The following PABPC4L variants were observed in gnomAD, a reference collection of about 807,000 sequenced individuals.
The protein encoded by PABPC4L is poly(A) binding protein cytoplasmic 4 like, also known as polyadenylate-binding protein 4-like.
For synonymous variants in PABPC4L, 169 were observed against 164.1 expected (o/e 1.03, Z -0.23); for missense variants, 452 against 451.4 (o/e 1.00, Z -0.01).
chr4:134,153,631 A>G, the PABPC4L span, among the ~76,000 whole-genome samples: 4 of 149,458 alleles, frequency 2.7e-5, no homozygotes, highest in African/African-American at 7.5e-5. Flanking sequence ...ATACAAGCAT[A>G]TTTATTCTTT....
chr4:134,112,849 T>C, the PABPC4L span, among the ~76,000 whole-genome samples: 68,588 of 151,420 alleles, frequency 0.45, 18,012 homozygotes, highest in East Asian at 0.98. Flanking sequence ...CTTTAGGAGA[T>C]GTTCCAGAAG....
chr4:134,043,168 C>G, the PABPC4L span, among the ~76,000 whole-genome samples: 1 of 128,216 alleles, frequency 7.8e-6, no homozygotes, highest in East Asian at 3.6e-4. Flanking sequence ...TACACCCACA[C>G]ACCATATACA....
At chr4:134,113,889 A>G in the PABPC4L span, among the ~76,000 whole-genome samples, 47,311 of 151,432 alleles carry the variant, frequency 0.31, 9,077 homozygotes, top group East Asian at 0.94. Context: ...TAGAGAGAAG[A>G]GGGTGGCATA....
At chr4:134,038,785 T>C in the PABPC4L span, among the ~76,000 whole-genome samples, 19 of 152,210 alleles carry the variant, frequency 1.2e-4, no homozygotes, top group South Asian at 1.4e-3. Flanking sequence ...CCTGGATTCA[T>C]TGATTTTTGT....
chr4:133,956,014 TTATC>T, the PABPC4L span, among the ~76,000 whole-genome samples: 1 of 152,136 alleles, frequency 6.6e-6, no homozygotes, highest in African/African-American at 2.4e-5. Flanking sequence ...ATTTGCATCT[TTATC>T]TACTCATCTT....
chr4:134,042,883 C>T, the PABPC4L span, among the ~76,000 whole-genome samples: 16 of 151,918 alleles, frequency 1.1e-4, no homozygotes, highest in Admixed American at 9.8e-4. Context: ...TTTTTAAGGA[C>T]TCTAGATAGG....
the PABPC4L span, among the ~76,000 whole-genome samples, chr4:134,042,283 A>G: frequency 6.6e-6 from 1 of 152,034 alleles, no homozygotes; most frequent in Non-Finnish European, 1.5e-5. Context: ...TGGACATTGG[A>G]GACTAGAAGG....
chr4:134,033,572 C>T, the PABPC4L span, among the ~76,000 whole-genome samples: 1 of 152,034 alleles, frequency 6.6e-6, no homozygotes, highest in South Asian at 2.1e-4. Flanking sequence ...ATTTAAAGTG[C>T]TACTTTAGTG....
At chr4:134,110,892 C>T in the PABPC4L span, among the ~76,000 whole-genome samples, 2 of 151,666 alleles carry the variant, frequency 1.3e-5, no homozygotes, top group African/African-American at 4.8e-5. Flanking sequence ...TTGGTTGAAC[C>T]CACAAATGAG....
At chr4:133,954,709 A>T in the PABPC4L span, among the ~76,000 whole-genome samples, 3 of 152,168 alleles carry the variant, frequency 2.0e-5, no homozygotes, top group Non-Finnish European at 2.9e-5. Flanking sequence ...ATATAAAATT[A>T]AAAATATGCA....
chr4:134,139,253 A>T, the PABPC4L span, among the ~76,000 whole-genome samples: 1 of 152,080 alleles, frequency 6.6e-6, no homozygotes, highest in South Asian at 2.1e-4. Flanking sequence ...ACTGAGCTAG[A>T]TAATGATTGG....
chr4:134,086,201 A>G, the PABPC4L span, among the ~76,000 whole-genome samples: 1 of 150,572 alleles, frequency 6.6e-6, no homozygotes, highest in Non-Finnish European at 1.5e-5. Flanking sequence ...TTTTGAACTT[A>G]TTGGTGATTT....
At chr4:134,127,376 A>T in the PABPC4L span, among the ~76,000 whole-genome samples, 3 of 152,046 alleles carry the variant, frequency 2.0e-5, no homozygotes, top group Admixed American at 6.6e-5. Context: ...CAAAAAATCA[A>T]TGAGGACCCT....
the PABPC4L span, among the ~76,000 whole-genome samples, chr4:134,148,042 T>G: frequency 6.6e-6 from 1 of 152,090 alleles, no homozygotes; most frequent in Non-Finnish European, 1.5e-5. Context: ...ATTTGAAGAC[T>G]GCTCATAGAG....
the PABPC4L span, among the ~76,000 whole-genome samples, chr4:133,964,624 T>C: frequency 3.3e-5 from 5 of 152,046 alleles, no homozygotes; most frequent in South Asian, 1.0e-3. Flanking sequence ...CCCACCGTGA[T>C]CAAGTGGGTT....
chr4:134,029,097 T>G, the PABPC4L span, among the ~76,000 whole-genome samples: 1 of 152,268 alleles, frequency 6.6e-6, no homozygotes, highest in African/African-American at 2.4e-5. Flanking sequence ...TATTCAGATA[T>G]AATAATTAAA....
At chr4:134,088,546 G>T in the PABPC4L span, among the ~76,000 whole-genome samples, 2 of 152,130 alleles carry the variant, frequency 1.3e-5, no homozygotes, top group South Asian at 4.2e-4. Flanking sequence ...TTAAAAGGTG[G>T]TCCCTTTAGA....
At chr4:133,983,659 A>G in the PABPC4L span, among the ~76,000 whole-genome samples, 1 of 151,890 alleles carries the variant, frequency 6.6e-6, no homozygotes, top group South Asian at 2.1e-4. Flanking sequence ...ATAAAATTTT[A>G]TTCTTTCAGA....
At chr4:134,040,851 A>T in the PABPC4L span, among the ~76,000 whole-genome samples, 1 of 152,210 alleles carries the variant, frequency 6.6e-6, no homozygotes, top group Non-Finnish European at 1.5e-5. Flanking sequence ...ATTATCCAGA[A>T]TCTATAAAGG....
Sources: allele counts gnomAD v4.1 joint callset (sites outside exome capture counted in the v4.1 genomes callset), GRCh38; gene constraint gnomAD v4.1.1; transcripts MANE v1.5; gene names NCBI Gene and HGNC (gene_info 2026-07-23, HGNC 2026-07-21).